Variants in XKR4 observed in about 807,000 individuals in gnomAD.
The protein encoded by XKR4 is XK related 4.
XKR4 carries 12 observed loss-of-function variants against 53.9 expected under a neutral mutation model. The observed-to-expected ratio is 0.22, with a 90% CI of 0.14 to 0.36. XKR4 has a LOEUF of 0.36. XKR4 is among the 10% of genes least tolerant of loss of function. The pLI, the probability that XKR4 is intolerant of heterozygous loss-of-function variation, is 1.00. For synonymous variants in XKR4, 354 were observed against 362.4 expected, an observed-to-expected ratio of 0.98 and a Z score of 0.26; for missense variants, 799 against 859.5, an observed-to-expected ratio of 0.93 and a Z score of 0.88.
At chr8:55,128,148 A>T (rs111324788) in intron 1 of XKR4, among the ~76,000 whole-genome samples, 5,238 of 152,068 alleles carry the variant, frequency 0.034, 292 homozygotes, top group African/African-American at 0.12. Context: ...TCCCTGAGGA[A>T]TCGCCACACT....
intron 1 of XKR4, among the ~76,000 whole-genome samples, chr8:55,348,108 G>A (rs1016299128): frequency 6.6e-6 from 1 of 152,150 alleles, no homozygotes; most frequent in Non-Finnish European, 1.5e-5. Context: ...CCTCTGGAAG[G>A]TCAGTCGAAG....
At chr8:55,444,751 T>A (rs546414850) in intron 2 of XKR4, among the ~76,000 whole-genome samples, 1 of 152,354 alleles carries the variant, frequency 6.6e-6, no homozygotes, top group African/African-American at 2.4e-5. Context: ...GTATTTTATG[T>A]ACTATCACTT....
intron 2 of XKR4, among the ~76,000 whole-genome samples, chr8:55,480,443 T>C (rs916821008): frequency 3.3e-5 from 5 of 152,176 alleles, no homozygotes; most frequent in Non-Finnish European, 5.9e-5. Context: ...ACAGCCAATA[T>C]CATACTGAAT....
chr8:55,480,741 AT>A (rs1429657487), intron 2 of XKR4, among the ~76,000 whole-genome samples: 1 of 136,450 alleles, frequency 7.3e-6, no homozygotes, highest in African/African-American at 3.3e-5. Context: ...AATCAAAAGC[AT>A]TCTTATACAC....
At chr8:55,357,564 AT>A in intron 1 of XKR4, 113 bp from the exon 2 acceptor site, 1 of 1,070,724 alleles carries the variant, frequency 9.3e-7, no homozygotes, top group Non-Finnish European at 1.4e-6. Context: ...CCCCGAGGTA[AT>A]TGTTTCTTGT....
chr8:55,467,442 C>T (rs944680293), intron 2 of XKR4, among the ~76,000 whole-genome samples: 2 of 152,114 alleles, frequency 1.3e-5, no homozygotes, highest in Non-Finnish European at 2.9e-5. Flanking sequence ...TATCCACAGT[C>T]TCTCCCTCAC....
At chr8:55,289,568 G>GA (rs1563316335) in intron 1 of XKR4, among the ~76,000 whole-genome samples, 2 of 68,780 alleles carry the variant, frequency 2.9e-5, no homozygotes, top group African/African-American at 1.1e-4. Context: ...AAGGAAGGAA[G>GA]GAGAGAGAAA....
intron 1 of XKR4, among the ~76,000 whole-genome samples, chr8:55,126,005 T>C (rs973271919): frequency 6.6e-6 from 1 of 152,188 alleles, no homozygotes; most frequent in Non-Finnish European, 1.5e-5. Context: ...TGTATTCCTT[T>C]TTTTTATGAG....
In XKR4 at chr8:55,353,967, T is replaced by G. The variant is rs79852853; in HGVS notation, c.807-3711T>G. ...TTTTGTGTTTTAAAATGGTATGTTC[T>G]GCAAATATGGTGACAATGGCAACAT... On this transcript the variant is annotated intron_variant, in intron 1 of 2. Transcript: ENST00000327381. Among the ~76,000 whole-genome samples the G allele has an allele frequency of 8.9e-3, 1,361 of 152,330 alleles. 25 individuals carry two copies. Among genetic ancestry groups the G allele is most frequent in the African/African-American group, 0.03 (1,253 of 41,564 alleles).
chr8:55,461,537 GA>G (rs1805658413), intron 2 of XKR4, among the ~76,000 whole-genome samples: 1 of 152,276 alleles, frequency 6.6e-6, no homozygotes, highest in South Asian at 2.1e-4. Flanking sequence ...AAACAGAGCA[GA>G]AAAACCAGAA....
rs1401795143 is a variant in XKR4 at position 55,413,316 on chromosome 8, G to A, written c.1006+55439G>A. Among the ~76,000 whole-genome samples, 9 of 152,202 alleles carry A rather than the reference G, an allele frequency of 5.9e-5. No homozygotes were observed. The East Asian group carries it at 1.5e-3, about 26-fold the overall frequency. On this transcript the variant is annotated intron_variant, in intron 2 of 2. Transcript: ENST00000327381. ...TGGCTCACTGCAACCTCCACCTCAC[G>A]GGCTCAAGCAATTCTCCTGCTGCTT...
At chr8:55,240,677 G>A (rs551288218) in intron 1 of XKR4, among the ~76,000 whole-genome samples, 1 of 152,276 alleles carries the variant, frequency 6.6e-6, no homozygotes, top group African/African-American at 2.4e-5. Flanking sequence ...ACACAGGCAA[G>A]GGAATAGCCT....
At chr8:55,416,874 T>A (rs1228860521) in intron 2 of XKR4, among the ~76,000 whole-genome samples, 1 of 152,252 alleles carries the variant, frequency 6.6e-6, no homozygotes, top group African/African-American at 2.4e-5. Flanking sequence ...GACTGCATAA[T>A]CTATGCATTT....
intron 1 of XKR4, among the ~76,000 whole-genome samples, chr8:55,235,662 A>G (rs983178405): frequency 1.3e-5 from 2 of 152,242 alleles, no homozygotes; most frequent in African/African-American, 4.8e-5. Flanking sequence ...CTTGACCTAC[A>G]AACTATCCAC....
intron 1 of XKR4, among the ~76,000 whole-genome samples, chr8:55,315,196 T>C (rs1180547639): frequency 2.0e-5 from 3 of 152,190 alleles, no homozygotes; most frequent in African/African-American, 7.2e-5. Context: ...GCTTTAGCAC[T>C]CATTCATGGA....
chr8:55,388,740 A>G (rs1804390829), intron 2 of XKR4, among the ~76,000 whole-genome samples: 1 of 152,214 alleles, frequency 6.6e-6, no homozygotes, highest in African/African-American at 2.4e-5. Flanking sequence ...GTCCTTAGCA[A>G]TGGACTTCCT....
chr8:55,391,810 A>T (rs759315156), intron 2 of XKR4, among the ~76,000 whole-genome samples: 22 of 152,196 alleles, frequency 1.4e-4, no homozygotes, highest in Non-Finnish European at 2.6e-4. Flanking sequence ...CAAAGAAATG[A>T]CTTGTTTCAA....
chr8:55,354,054 T>G (rs1347082139), intron 1 of XKR4, among the ~76,000 whole-genome samples: 1 of 152,148 alleles, frequency 6.6e-6, no homozygotes, highest in Non-Finnish European at 1.5e-5. Context: ...TTGATAAAAC[T>G]GAAGAATTGT....
chr8:55,185,391 TG>T (rs1307368283), intron 1 of XKR4, among the ~76,000 whole-genome samples: 1 of 152,230 alleles, frequency 6.6e-6, no homozygotes, highest in Admixed American at 6.5e-5. Flanking sequence ...ACACTACTGA[TG>T]TGCATGTATT....
Sources: gnomAD v4.1 joint callset for allele counts (sites outside exome capture counted in the v4.1 genomes callset) on GRCh38, gnomAD v4.1.1 for gene constraint, MANE v1.5 for transcripts, NCBI Gene and HGNC (gene_info 2026-07-23, HGNC 2026-07-21) for gene names.